The following CCDC15 variants were observed in gnomAD, a reference collection of about 807,000 sequenced individuals.
CCDC15 encodes coiled-coil domain containing 15, also known as coiled-coil domain-containing protein 15.
CCDC15 carries 105 observed loss-of-function variants against 114.5 expected under a neutral mutation model. That is an observed-to-expected ratio of 0.92 (90% CI 0.78 to 1.08). CCDC15 has a LOEUF of 1.08. Among genes scored for constraint, CCDC15 ranks in the 50% least tolerant of loss-of-function variants. The probability of loss-of-function intolerance (pLI) is 0.00; values close to 1 mark genes in which losing one functional copy is unlikely to be tolerated. For synonymous variants in CCDC15, 334 were observed against 377.8 expected (o/e 0.88, Z 1.34); for missense variants, 1,105 against 1,093.6 (o/e 1.01, Z -0.15).
At chr11:125,032,079 C>T (rs553641898) in intron 13 of CCDC15, among the ~76,000 whole-genome samples, 109 of 152,274 alleles carry the variant, frequency 7.2e-4, no homozygotes, top group African/African-American at 1.3e-3. Context: ...CATCCTCTGG[C>T]GTGCAAATGT....
chr11:125,036,582 C>G (rs181160431), intron 13 of CCDC15, among the ~76,000 whole-genome samples: 8 of 151,978 alleles, frequency 5.3e-5, no homozygotes, highest in Non-Finnish European at 1.0e-4. Context: ...ATTTCCTCCT[C>G]AAGGCCCAAA....
At chr11:125,020,360 T>TGGG (rs1948653648) in intron 13 of CCDC15, among the ~76,000 whole-genome samples, 1 of 151,948 alleles carries the variant, frequency 6.6e-6, no homozygotes, top group South Asian at 2.1e-4. Flanking sequence ...TGGTTCTAGG[T>TGGG]CTCTTAACTT....
intron 8 of CCDC15, among the ~76,000 whole-genome samples, chr11:124,989,419 G>A (rs1039235901): frequency 7.9e-5 from 12 of 152,124 alleles, no homozygotes; most frequent in African/African-American, 1.7e-4. Flanking sequence ...CCATTCTTAC[G>A]GGTCCTAGGA....
chr11:125,024,432 A>T (rs1164211152), intron 13 of CCDC15, among the ~76,000 whole-genome samples: 1 of 152,100 alleles, frequency 6.6e-6, no homozygotes, highest in African/African-American at 2.4e-5. Context: ...AATCTTAGCA[A>T]TATTGAATCT....
chr11:124,994,971 G>A (rs1301156616), intron 11 of CCDC15, among the ~76,000 whole-genome samples: 1 of 152,166 alleles, frequency 6.6e-6, no homozygotes, highest in African/African-American at 2.4e-5. Context: ...AAATTCAAAG[G>A]AGGCAAAGAA....
intron 4 of CCDC15, among the ~76,000 whole-genome samples, chr11:124,963,206 G>T (rs1477897087): frequency 6.6e-6 from 1 of 152,152 alleles, no homozygotes; most frequent in Non-Finnish European, 1.5e-5. Context: ...AGATCCTTGA[G>T]GAATCGCCAC....
At chr11:124,962,902 T>C (rs941698676) in intron 4 of CCDC15, among the ~76,000 whole-genome samples, 1 of 152,216 alleles carries the variant, frequency 6.6e-6, no homozygotes, top group Non-Finnish European at 1.5e-5. Context: ...ATGCGGTGTT[T>C]GGTTTTCTGT....
intron 4 of CCDC15, 94 bp downstream of exon 4, chr11:124,960,097 A>T: frequency 1.2e-6 from 1 of 859,188 alleles, no homozygotes; most frequent in Non-Finnish European, 1.6e-6. Context: ...AGGGATTAAG[A>T]GTTATCACAC....
chr11:125,027,088 T>C (rs1948708455), intron 13 of CCDC15, among the ~76,000 whole-genome samples: 1 of 152,158 alleles, frequency 6.6e-6, no homozygotes, highest in South Asian at 2.1e-4. Context: ...TATGGCTGAG[T>C]AGTATTCCAT....
chr11:125,030,617 G>C (rs1386430541), intron 13 of CCDC15, among the ~76,000 whole-genome samples: 1 of 152,192 alleles, frequency 6.6e-6, no homozygotes, highest in Non-Finnish European at 1.5e-5. Flanking sequence ...CTGCCACCAG[G>C]TAGATAGCTG....
intron 13 of CCDC15, among the ~76,000 whole-genome samples, chr11:125,022,036 G>T (rs1379228823): frequency 1.3e-5 from 2 of 151,896 alleles, no homozygotes; most frequent in Non-Finnish European, 2.9e-5. Context: ...ATTGGAATAA[G>T]ATCTCAATAT....
At chr11:125,018,271 T>C (rs1182905445) in intron 13 of CCDC15, among the ~76,000 whole-genome samples, 1 of 152,078 alleles carries the variant, frequency 6.6e-6, no homozygotes, top group Non-Finnish European at 1.5e-5. Flanking sequence ...ACACTTACCA[T>C]TGTGTTACAG....
At chr11:125,034,892 G>T (rs1256777938) in intron 13 of CCDC15, among the ~76,000 whole-genome samples, 1 of 151,974 alleles carries the variant, frequency 6.6e-6, no homozygotes, top group African/African-American at 2.4e-5. Flanking sequence ...TAGAAAGACA[G>T]AACTATATAT....
At chr11:125,015,104 T>A (rs1435184265) in intron 13 of CCDC15, among the ~76,000 whole-genome samples, 2 of 152,124 alleles carry the variant, frequency 1.3e-5, no homozygotes, top group African/African-American at 4.8e-5. Flanking sequence ...TAGGTGTCAC[T>A]GAAGCAGTCC....
chr11:124,997,273 A>G lies in CCDC15; in HGVS notation c.2214+4030A>G, dbSNP rs566553043. Among the ~76,000 whole-genome samples the G allele has an allele frequency of 3.3e-5, 5 of 152,274 alleles. 1 individual carries two copies. The South Asian group carries it at 1.0e-3, about 32-fold the overall frequency. ...AGAATTTTGAGGCCCATGACAGAGAAAGCCTGTATCATTTTTTAAATTATT... is the reference window on the plus strand; with the variant it reads ...AGAATTTTGAGGCCCATGACAGAGAGAGCCTGTATCATTTTTTAAATTATT... On this transcript the variant is annotated intron_variant, in intron 11 of 15. Coordinates refer to ENST00000344762, the MANE Select transcript of CCDC15 (RefSeq NM_025004.3).
At chr11:124,958,069 T>C (rs754567764) in intron 2 of CCDC15, among the ~76,000 whole-genome samples, 5 of 152,170 alleles carry the variant, frequency 3.3e-5, no homozygotes, top group Non-Finnish European at 5.9e-5. Flanking sequence ...GGGATAAGAA[T>C]ACCTACTGCC....
At chr11:124,964,727 A>T (rs1947739625) in intron 4 of CCDC15, among the ~76,000 whole-genome samples, 1 of 152,186 alleles carries the variant, frequency 6.6e-6, no homozygotes. Context: ...CCAGTTTTCA[A>T]AGGGAATGCT....
chr11:125,017,418 T>C (rs1258780112), intron 13 of CCDC15, among the ~76,000 whole-genome samples: 2 of 152,046 alleles, frequency 1.3e-5, no homozygotes, highest in East Asian at 3.9e-4. Flanking sequence ...CCCATAAGAT[T>C]ATAGTGGAGC....
At chr11:125,022,506 T>C (rs943581892) in intron 13 of CCDC15, among the ~76,000 whole-genome samples, 1 of 151,974 alleles carries the variant, frequency 6.6e-6, no homozygotes, top group African/African-American at 2.4e-5. Flanking sequence ...TTGCTAGAGA[T>C]GGCCAGTGAG....
Sources: gnomAD v4.1 joint callset for allele counts (sites outside exome capture counted in the v4.1 genomes callset) on GRCh38, gnomAD v4.1.1 for gene constraint, MANE v1.5 for transcripts, NCBI Gene and HGNC (gene_info 2026-07-23, HGNC 2026-07-21) for gene names.